The following CLIP1 variants were observed in gnomAD, a reference collection of about 807,000 sequenced individuals.
The protein encoded by CLIP1 is CAP-Gly domain-containing linker protein 1.
A neutral mutation model predicts 161.6 loss-of-function variants in CLIP1; 66 were observed. That is an observed-to-expected ratio of 0.41 (90% CI 0.33 to 0.50). CLIP1 has a LOEUF of 0.50. Ranked by LOEUF, CLIP1 falls within the 20% of genes least tolerant of loss-of-function variation. The probability of loss-of-function intolerance (pLI) is 0.27; values close to 1 mark genes in which losing one functional copy is unlikely to be tolerated. For missense variants in CLIP1, 1,376 were observed against 1,702.0 expected (o/e 0.81, Z 3.37); for synonymous variants, 598 against 626.2 (o/e 0.96, Z 0.67).
chr12:122,324,892 A>G (rs1204315250), intron 17 of CLIP1, among the ~76,000 whole-genome samples: 1 of 152,168 alleles, frequency 6.6e-6, no homozygotes, highest in East Asian at 1.9e-4. Context: ...AGGGGCTGAG[A>G]GTGATTTAGT....
At chr12:122,290,896 G>GT (rs937456293) in intron 20 of CLIP1, among the ~76,000 whole-genome samples, 44 of 146,628 alleles carry the variant, frequency 3.0e-4, no homozygotes, top group African/African-American at 9.2e-4. Flanking sequence ...AGTTTTTTAA[G>GT]TTTTTTTTAG....
intron 1 of CLIP1, among the ~76,000 whole-genome samples, chr12:122,418,602 T>A (rs201892493): frequency 2.0e-5 from 3 of 151,694 alleles, no homozygotes; most frequent in East Asian, 1.9e-4. Flanking sequence ...GAAAAAAAAT[T>A]TTTTTAATTA....
intron 10 of CLIP1, among the ~76,000 whole-genome samples, chr12:122,347,094 CT>C (rs1952786757): frequency 1.3e-5 from 2 of 152,192 alleles, no homozygotes. Context: ...ATATAAATAA[CT>C]TCAAATACAG....
chr12:122,411,587 T>C (rs976650459), intron 1 of CLIP1, among the ~76,000 whole-genome samples: 5 of 152,168 alleles, frequency 3.3e-5, no homozygotes, highest in South Asian at 2.1e-4. Flanking sequence ...CAAGGGCAGA[T>C]GCATGCCACA....
chr12:122,347,944 A>C (rs977319472), intron 9 of CLIP1, among the ~76,000 whole-genome samples: 1 of 152,240 alleles, frequency 6.6e-6, no homozygotes, highest in African/African-American at 2.4e-5. Context: ...TATCACCTAA[A>C]TATGGCAAAG....
intron 8 of CLIP1, among the ~76,000 whole-genome samples, chr12:122,352,127 G>C (rs997062729): frequency 6.8e-6 from 1 of 147,568 alleles, no homozygotes; most frequent in Non-Finnish European, 1.5e-5. Flanking sequence ...GCACGATCTC[G>C]GCTCACTGCA....
rs935542006 is a variant in CLIP1, at chr12:122,290,621, A to C, written c.3595-2080T>G. 5.9e-5 allele frequency among the ~76,000 whole-genome samples: 9 copies of C among 152,188 alleles called. No homozygotes were observed. In the South Asian group the frequency reaches 1.9e-3, roughly 31 times the overall value. On this transcript the variant is annotated intron_variant, in intron 20 of 25. Transcript: ENST00000620786. ...AAAGAGCATGGCAGACAATTCACAA[A>C]ACAAAATAAAAATCATTAGTGAATA...
chr12:122,405,823 C>T (rs758801914), intron 1 of CLIP1, among the ~76,000 whole-genome samples: 2 of 151,574 alleles, frequency 1.3e-5, no homozygotes, highest in African/African-American at 2.4e-5. Flanking sequence ...AATCCCAGCA[C>T]TTTGGGAGGA....
rs1358539719 is a variant in CLIP1, at chr12:122,355,045, G to A, written c.1203+70C>T. ...GTCTAGCTCCTCGGTGCCAAGCACC[G>A]GGCATGCTTCTCGGCTCCTCAGTGG... On this transcript the variant is annotated intron_variant, in intron 6 of 25. Transcript: ENST00000620786. This position sits in a 1 kb window ranked among gnomAD's most constrained non-coding sequence, Gnocchi z 4.1. 45 of 1,386,774 alleles carry A rather than the reference G, an allele frequency of 3.2e-5. No individual in the cohort carries two copies. The highest frequency in any genetic ancestry group is 5.5e-5 in the Admixed American group (3 of 54,150). 85.9% of individuals were successfully genotyped at this position (1,386,774 alleles called of 1,614,324 possible). A position where few individuals can be genotyped will look rare whatever the true frequency, so the allele number is the denominator to read the frequency against.
intron 21 of CLIP1, among the ~76,000 whole-genome samples, chr12:122,284,414 G>A (rs564078863): frequency 2.2e-3 from 336 of 151,518 alleles, no homozygotes; most frequent in African/African-American, 7.3e-3. Context: ...GTGCAATGGC[G>A]CGATCTCGGC....
At chr12:122,330,597 G>GTTTTTTTTTTTGTTTTTTTT (rs1951901823) in intron 15 of CLIP1, among the ~76,000 whole-genome samples, 1 of 101,404 alleles carries the variant, frequency 9.9e-6, no homozygotes, top group African/African-American at 4.4e-5. Context: ...GTATAATGCA[G>GTTTTTTTTTTTGTTTTTTTT]TTTTTTTTTT....
chr12:122,275,973 G>A (rs891254489), intron 24 of CLIP1: 1 of 152,746 alleles, frequency 6.5e-6, no homozygotes, highest in African/African-American at 2.4e-5. Flanking sequence ...GCCAACAGGA[G>A]GGACCGCTCT....
At position 122,279,232 on chromosome 12, in the gene CLIP1, G is replaced by A. The variant is rs1314893155; in HGVS notation, c.3648-87C>T. On this transcript the variant is annotated intron_variant, in intron 21 of 25. Transcript: ENST00000620786. This position sits in a 1 kb window ranked among gnomAD's most constrained non-coding sequence, Gnocchi z 4.5. ...GTTCTAGAACAAACACATAATTAAT[G>A]TTAGTTAATGTAAAAAAAAAAATAT... 1.3e-6 allele frequency: 1 copy of A among 792,504 alleles called. No individual in the cohort carries two copies. The allele number at this position is 792,504 out of a possible 1,614,324, so 49.1% of individuals were successfully genotyped here.
At chr12:122,394,332 C>G (rs1422197987) in intron 1 of CLIP1, among the ~76,000 whole-genome samples, 1 of 150,868 alleles carries the variant, frequency 6.6e-6, no homozygotes, top group Non-Finnish European at 1.5e-5. Flanking sequence ...ACTAAAAATA[C>G]AAAAAAATCA....
intron 1 of CLIP1, among the ~76,000 whole-genome samples, chr12:122,414,798 G>A (rs967549529): frequency 6.6e-6 from 1 of 152,008 alleles, no homozygotes; most frequent in Admixed American, 6.6e-5. Context: ...GGTCATTATG[G>A]TTTCCCTTAA....
At chr12:122,360,743 A>G in intron 5 of CLIP1, 1 of 507,020 alleles carries the variant, frequency 2.0e-6, no homozygotes, top group East Asian at 3.2e-5. Flanking sequence ...TAAGAATCTG[A>G]AAGGGACTAT....
intron 1 of CLIP1, among the ~76,000 whole-genome samples, chr12:122,418,844 A>T (rs181531907): frequency 1.3e-5 from 2 of 152,346 alleles, no homozygotes; most frequent in Admixed American, 6.5e-5. Context: ...TACTCTTCAT[A>T]TCAGAGAAAA....
intron 20 of CLIP1, among the ~76,000 whole-genome samples, chr12:122,289,193 G>A (rs1325151007): frequency 6.6e-6 from 1 of 151,746 alleles, no homozygotes; most frequent in Non-Finnish European, 1.5e-5. Flanking sequence ...GCACTTTGGT[G>A]GGGCAAGATG....
At chr12:122,413,462 C>G (rs988261093) in intron 1 of CLIP1, among the ~76,000 whole-genome samples, 6 of 152,114 alleles carry the variant, frequency 3.9e-5, no homozygotes, top group African/African-American at 1.4e-4. Flanking sequence ...AAGGACTCGG[C>G]AATTTTAAGT....
Sources: allele counts gnomAD v4.1 joint callset (sites outside exome capture counted in the v4.1 genomes callset), GRCh38; gene constraint gnomAD v4.1.1; non-coding constraint Gnocchi (gnomAD v3.1); transcripts MANE v1.5; gene names NCBI Gene and HGNC (gene_info 2026-07-23, HGNC 2026-07-21).